The following SLC35F4 variants were observed in gnomAD, a reference collection of about 807,000 sequenced individuals.
SLC35F4 encodes the protein solute carrier family 35 member F4.
In SLC35F4, 24 loss-of-function variants were observed where a neutral mutation model predicts 44.2. The observed-to-expected ratio is 0.54, with a 90% CI of 0.39 to 0.76. SLC35F4 has a LOEUF of 0.76. Ranked by LOEUF, SLC35F4 falls within the 30% of genes least tolerant of loss-of-function variation. The pLI is 0.00. For synonymous variants in SLC35F4, 238 were observed against 223.6 expected (o/e 1.06, Z -0.57); for missense variants, 562 against 586.1 (o/e 0.96, Z 0.42).
rs181710948 is a variant in SLC35F4 at position 57,615,769 on chromosome 14, T to A, written c.104-21645A>T. Among the ~76,000 whole-genome samples, 3 of 148,678 alleles carry A rather than the reference T, an allele frequency of 2.0e-5. No homozygotes were observed. The Admixed American group carries it at 2.1e-4, about 10-fold the overall frequency. On this transcript the variant is annotated intron_variant, in intron 1 of 7. Coordinates refer to ENST00000556826, the MANE Select transcript of SLC35F4 (RefSeq NM_001306087.2). ...AGTTTTTAAAATCCATGGCACCCAA[T>A]GTGAAATTGATCCTCTTTACAAAAC...
At chr14:57,748,494 T>A (rs1428834596) in intron 1 of SLC35F4, among the ~76,000 whole-genome samples, 1 of 152,118 alleles carries the variant, frequency 6.6e-6, no homozygotes, top group Non-Finnish European at 1.5e-5. Flanking sequence ...GGGCCAGGTA[T>A]TGCTTAAACA....
At chr14:57,683,359 A>G (rs2074965736) in intron 1 of SLC35F4, among the ~76,000 whole-genome samples, 1 of 152,218 alleles carries the variant, frequency 6.6e-6, no homozygotes, top group Non-Finnish European at 1.5e-5. Flanking sequence ...AGAAAAATGC[A>G]ATGAAAGCAA....
At chr14:57,723,631 T>C (rs567241233) in intron 1 of SLC35F4, among the ~76,000 whole-genome samples, 5 of 152,354 alleles carry the variant, frequency 3.3e-5, no homozygotes, top group Non-Finnish European at 7.4e-5. Context: ...ACATGGCAAA[T>C]GCCTTTTTCT....
intron 1 of SLC35F4, among the ~76,000 whole-genome samples, chr14:57,801,817 C>G (rs1306115725): frequency 1.3e-5 from 2 of 152,110 alleles, no homozygotes; most frequent in African/African-American, 4.8e-5. Context: ...AATAGAGAAG[C>G]ACTCAGATTC....
At chr14:57,697,024 C>T (rs563127760) in intron 1 of SLC35F4, among the ~76,000 whole-genome samples, 10 of 152,212 alleles carry the variant, frequency 6.6e-5, no homozygotes, top group African/African-American at 1.7e-4. Context: ...TACCATGGCA[C>T]GTGTATACCT....
intron 1 of SLC35F4, among the ~76,000 whole-genome samples, chr14:57,688,025 G>C (rs985807252): frequency 4.6e-5 from 7 of 152,142 alleles, no homozygotes; most frequent in African/African-American, 1.7e-4. Flanking sequence ...GTGCACACTA[G>C]ACTCTCCTGA....
chr14:57,674,798 C>A (rs952678363), intron 1 of SLC35F4, among the ~76,000 whole-genome samples: 1 of 152,088 alleles, frequency 6.6e-6, no homozygotes, highest in African/African-American at 2.4e-5. Context: ...TTCCCAAGCC[C>A]AGTTCCTACA....
chr14:57,675,809 G>A (rs1279395932), intron 1 of SLC35F4, among the ~76,000 whole-genome samples: 1 of 151,888 alleles, frequency 6.6e-6, no homozygotes, highest in Non-Finnish European at 1.5e-5. Flanking sequence ...TATGTCATAT[G>A]TCACATTTAT....
At chr14:57,942,160 C>T (rs1469823674) in intron 1 of SLC35F4, among the ~76,000 whole-genome samples, 1 of 152,220 alleles carries the variant, frequency 6.6e-6, no homozygotes, top group African/African-American at 2.4e-5. Context: ...TCATTATTGA[C>T]ATTTTCCTTG....
At chr14:57,938,240 C>A (rs1002702505) in intron 1 of SLC35F4, among the ~76,000 whole-genome samples, 1 of 151,740 alleles carries the variant, frequency 6.6e-6, no homozygotes, top group Non-Finnish European at 1.5e-5. Context: ...ACCTAGACAC[C>A]AAAGACAGGC....
intron 1 of SLC35F4, among the ~76,000 whole-genome samples, chr14:57,653,734 T>A (rs4901804): frequency 0.38 from 58,005 of 152,096 alleles, 11,217 homozygotes; most frequent in South Asian, 0.49. Context: ...AGAGAGATCC[T>A]GCAGAGGTGG....
At chr14:57,758,037 G>GTA (rs1329027436) in intron 1 of SLC35F4, among the ~76,000 whole-genome samples, 53 of 149,270 alleles carry the variant, frequency 3.6e-4, no homozygotes, top group African/African-American at 1.2e-3. Flanking sequence ...GTGTGTGTGT[G>GTA]TGTGTTATTT....
intron 1 of SLC35F4, among the ~76,000 whole-genome samples, chr14:57,610,738 T>A (rs1160846521): frequency 2.6e-5 from 4 of 151,668 alleles, no homozygotes; most frequent in African/African-American, 9.7e-5. Flanking sequence ...AGAAAGGGAG[T>A]GAGTCTGGTG....
intron 1 of SLC35F4, among the ~76,000 whole-genome samples, chr14:57,614,985 G>T (rs1045197649): frequency 2.0e-5 from 3 of 152,204 alleles, no homozygotes; most frequent in African/African-American, 7.2e-5. Flanking sequence ...AAGCTTTTGA[G>T]ATTTGAGTGT....
intron 1 of SLC35F4, among the ~76,000 whole-genome samples, chr14:57,811,810 T>A (rs1226015548): frequency 6.6e-6 from 1 of 152,042 alleles, no homozygotes; most frequent in Non-Finnish European, 1.5e-5. Context: ...TGAGACCCTG[T>A]TTTTACAAAA....
intron 1 of SLC35F4, among the ~76,000 whole-genome samples, chr14:57,915,058 C>T (rs1462008756): frequency 6.6e-6 from 1 of 152,146 alleles, no homozygotes; most frequent in Non-Finnish European, 1.5e-5. Flanking sequence ...CAGACAAAAC[C>T]ACATAGATGC....
intron 1 of SLC35F4, among the ~76,000 whole-genome samples, chr14:57,791,720 C>T (rs1290756619): frequency 6.6e-6 from 1 of 152,066 alleles, no homozygotes; most frequent in Non-Finnish European, 1.5e-5. Context: ...AACCCAAATG[C>T]CCATTAAAGA....
chr14:57,821,948 C>T (rs1389171039), intron 1 of SLC35F4, among the ~76,000 whole-genome samples: 1 of 152,236 alleles, frequency 6.6e-6, no homozygotes, highest in Non-Finnish European at 1.5e-5. Flanking sequence ...TGCCCACTCT[C>T]AGGCACTGAC....
Position 57,675,291 on chromosome 14 carries a change from G to A in SLC35F4, c.104-81167C>T, listed in dbSNP as rs140338912. Among the ~76,000 whole-genome samples, 368 of 152,052 alleles carry A rather than the reference G, an allele frequency of 2.4e-3. 2 individuals are homozygous for A. The highest frequency in any genetic ancestry group is 8.1e-3 in the African/African-American group (335 of 41,406). ...AAAGACTAAACAAATATTGAACTCC[G>A]GGAAATGATATGCATGCTGAGGTAG... On this transcript the variant is annotated intron_variant, in intron 1 of 7. Coordinates refer to ENST00000556826, the MANE Select transcript of SLC35F4 (RefSeq NM_001306087.2).
Sources: gnomAD v4.1 joint callset for allele counts (sites outside exome capture counted in the v4.1 genomes callset) on GRCh38, gnomAD v4.1.1 for gene constraint, MANE v1.5 for transcripts, NCBI Gene and HGNC (gene_info 2026-07-23, HGNC 2026-07-21) for gene names.